TMEM132D: variants seen among roughly 807,000 people sequenced by gnomAD.
TMEM132D encodes mature OL transmembrane protein.
TMEM132D carries 21 observed loss-of-function variants against 62.3 expected under a neutral mutation model. The observed-to-expected ratio is 0.34, with a 90% CI of 0.24 to 0.49. The LOEUF (loss-of-function observed/expected upper bound fraction) is 0.49, where lower values mean the gene tolerates loss of function less well. Ranked by LOEUF, TMEM132D falls within the 20% of genes least tolerant of loss-of-function variation. TMEM132D has a pLI of 0.99. For missense variants in TMEM132D, 1,346 were observed against 1,402.8 expected, an observed-to-expected ratio of 0.96 and a Z score of 0.65; for synonymous variants, 621 against 575.6, an observed-to-expected ratio of 1.08 and a Z score of -1.13.
intron 4 of TMEM132D, among the ~76,000 whole-genome samples, chr12:129,261,119 A>G (rs1566015052): frequency 6.6e-6 from 1 of 152,194 alleles, no homozygotes; most frequent in Non-Finnish European, 1.5e-5. Context: ...GCTAACTTAC[A>G]TTCCCACCAG....
chr12:129,844,195 G>A (rs568198177), intron 1 of TMEM132D, among the ~76,000 whole-genome samples: 2 of 152,354 alleles, frequency 1.3e-5, no homozygotes, highest in Admixed American at 6.5e-5. Flanking sequence ...CACATCTGAA[G>A]AGGGGATAAA....
In TMEM132D at chr12:129,739,125, G is replaced by A. The variant is rs143540974; in HGVS notation, c.80-38427C>T. Among the ~76,000 whole-genome samples, 298 of 152,312 alleles carry A rather than the reference G, an allele frequency of 2.0e-3. 1 individual carries two copies. Among genetic ancestry groups the A allele is most frequent in the Middle Eastern group, 0.017 (5 of 294 alleles). On this transcript the variant is annotated intron_variant, in intron 1 of 8. Transcript: ENST00000422113. The stretch of plus-strand genomic sequence containing the variant: ...AGGAACAGGACTGGCCTCTGCCCTA[G>A]CCCAGCTCACTCTTAGGCGGTATAG...
chr12:129,707,760 C>T (rs1256100022), intron 1 of TMEM132D, among the ~76,000 whole-genome samples: 2 of 152,100 alleles, frequency 1.3e-5, no homozygotes, highest in South Asian at 2.1e-4. Context: ...ATTCCCAACA[C>T]AGATATTTGC....
intron 3 of TMEM132D, among the ~76,000 whole-genome samples, chr12:129,410,831 TG>T (rs1397424946): frequency 1.2e-4 from 19 of 152,346 alleles, no homozygotes; most frequent in African/African-American, 4.1e-4. Context: ...ATGGGGTTTG[TG>T]GTAACTTAAG....
chr12:129,259,025 C>T (rs1418924926), intron 4 of TMEM132D, among the ~76,000 whole-genome samples: 2 of 152,034 alleles, frequency 1.3e-5, no homozygotes, highest in Non-Finnish European at 2.9e-5. Context: ...AGAGTCTAGC[C>T]GTGGCTGAGC....
At chr12:129,497,470 G>A (rs1171949210) in intron 3 of TMEM132D, among the ~76,000 whole-genome samples, 1 of 152,104 alleles carries the variant, frequency 6.6e-6, no homozygotes, top group Non-Finnish European at 1.5e-5. Flanking sequence ...GGCCTCAGGA[G>A]TGTAAGGGCT....
chr12:129,273,022 C>A (rs897040764), intron 4 of TMEM132D, among the ~76,000 whole-genome samples: 4 of 151,722 alleles, frequency 2.6e-5, no homozygotes, highest in Admixed American at 6.6e-5. Flanking sequence ...ACAGTGAAAC[C>A]CTGTCTCTAC....
chr12:129,393,890 T>G (rs143284198), intron 3 of TMEM132D, among the ~76,000 whole-genome samples: 1 of 152,222 alleles, frequency 6.6e-6, no homozygotes, highest in African/African-American at 2.4e-5. Flanking sequence ...CTGGGAAACA[T>G]AAACATCCCC....
chr12:129,127,928 T>G (rs1436520875), intron 5 of TMEM132D, among the ~76,000 whole-genome samples: 1 of 152,226 alleles, frequency 6.6e-6, no homozygotes, highest in African/African-American at 2.4e-5. Context: ...TGCTACGCCC[T>G]GAGGCTTCTG....
intron 5 of TMEM132D, among the ~76,000 whole-genome samples, chr12:129,179,756 G>A (rs1467638861): frequency 4.6e-5 from 7 of 152,218 alleles, no homozygotes; most frequent in African/African-American, 9.6e-5. Flanking sequence ...GGCCGGGCCC[G>A]GTGGCTCACA....
At chr12:129,665,206 C>T (rs1593111587) in intron 2 of TMEM132D, among the ~76,000 whole-genome samples, 2 of 152,032 alleles carry the variant, frequency 1.3e-5, no homozygotes, top group East Asian at 3.9e-4. Context: ...GTGGGGGGGG[C>T]ATCTTGGGGG....
intron 1 of TMEM132D, among the ~76,000 whole-genome samples, chr12:129,862,607 G>A (rs572595464): frequency 2.3e-4 from 35 of 152,322 alleles, no homozygotes; most frequent in African/African-American, 8.2e-4. Context: ...TCCAAGGGCT[G>A]CATGTTGACA....
chr12:129,888,984 T>C (rs561922842), intron 1 of TMEM132D, among the ~76,000 whole-genome samples: 1 of 152,346 alleles, frequency 6.6e-6, no homozygotes, highest in African/African-American at 2.4e-5. Flanking sequence ...ATTATGGTCT[T>C]ATAAGAGGCA....
At chr12:129,432,305 G>A (rs75855461) in intron 3 of TMEM132D, among the ~76,000 whole-genome samples, 1 of 33,932 alleles carries the variant, frequency 2.9e-5, no homozygotes, top group African/African-American at 1.5e-4. Context: ...ATGGATGGAT[G>A]GATGGATGGA....
chr12:129,164,467 T>C (rs901420), intron 5 of TMEM132D, among the ~76,000 whole-genome samples: 91,767 of 152,164 alleles, frequency 0.6, 28,326 homozygotes, highest in Non-Finnish European at 0.67. Flanking sequence ...GACAGTTTCT[T>C]GTAAAGTTAA....
At chr12:129,719,505 T>C (rs967632748) in intron 1 of TMEM132D, among the ~76,000 whole-genome samples, 1 of 152,230 alleles carries the variant, frequency 6.6e-6, no homozygotes, top group Non-Finnish European at 1.5e-5. Context: ...TGAATTCATA[T>C]GAGTGACAGA....
rs150876325 is a variant in TMEM132D at position 129,209,610 on chromosome 12, C to T, written c.1353G>A (p.Pro451=). ...AILTGKTVAV[P]VKVVSVEDDG... ...CGTCCTCCACGGAGACCACTTTCAC[C>T]GGGACGGCCACCGTCTTCCCCGTGA... is the stretch of plus-strand genomic sequence containing the variant. Residue 451 remains proline (P), a synonymous_variant, in exon 5 of 9, where the codon CCG becomes CCA. Transcript: ENST00000422113. 3.0e-4 allele frequency: 489 copies of T among 1,614,188 alleles called. 4 individuals are homozygous for T. In the African/African-American group the frequency reaches 4.9e-3, roughly 16 times the overall value.
chr12:129,587,790 A>G (rs915225877), intron 2 of TMEM132D, among the ~76,000 whole-genome samples: 1 of 152,216 alleles, frequency 6.6e-6, no homozygotes, highest in African/African-American at 2.4e-5. Flanking sequence ...ACAACAAAAC[A>G]TACCTTCAGT....
intron 3 of TMEM132D, among the ~76,000 whole-genome samples, chr12:129,462,860 G>C (rs1171032379): frequency 6.6e-6 from 1 of 152,158 alleles, no homozygotes; most frequent in African/African-American, 2.4e-5. Context: ...AATAAGACTT[G>C]TCTTCCATAC....
Sources: gnomAD v4.1 joint callset for allele counts (sites outside exome capture counted in the v4.1 genomes callset) on GRCh38, gnomAD v4.1.1 for gene constraint, MANE v1.5 for transcripts, NCBI Gene and HGNC (gene_info 2026-07-23, HGNC 2026-07-21) for gene names.